DTD1: variants seen among roughly 807,000 people sequenced by gnomAD.
DTD1 encodes D-aminoacyl-tRNA deacylase 1, also known as D-tyrosyl-tRNA deacylase 1 homolog.
Under a neutral mutation model 25.6 loss-of-function variants are expected in DTD1, and 13 were observed. The ratio of observed to expected loss-of-function variants is 0.51; its 90% confidence interval spans 0.33 to 0.81. DTD1 has a LOEUF of 0.81. Among genes scored for constraint, DTD1 ranks in the 30% least tolerant of loss-of-function variants. The pLI, the probability that DTD1 is intolerant of heterozygous loss-of-function variation, is 0.02. For missense variants in DTD1, 193 were observed against 266.4 expected, an observed-to-expected ratio of 0.72 and a Z score of 1.92; for synonymous variants, 110 against 103.6, an observed-to-expected ratio of 1.06 and a Z score of -0.37.
chr20:18,651,300 T>G (rs1315503838), intron 4 of DTD1, among the ~76,000 whole-genome samples: 1 of 152,156 alleles, frequency 6.6e-6, no homozygotes, highest in African/African-American at 2.4e-5. Flanking sequence ...TATAGGCATA[T>G]GCCACCACAC....
At chr20:18,683,802 G>C (rs2061006366) in intron 4 of DTD1, among the ~76,000 whole-genome samples, 1 of 152,214 alleles carries the variant, frequency 6.6e-6, no homozygotes, top group African/African-American at 2.4e-5. Context: ...CGAGCAAGCT[G>C]ACTGGGCGCC....
intron 4 of DTD1, among the ~76,000 whole-genome samples, chr20:18,716,836 A>C (rs1352090869): frequency 2.6e-5 from 4 of 152,216 alleles, no homozygotes; most frequent in African/African-American, 9.6e-5. Context: ...TGTATTTTGC[A>C]AAAAGGGTAA....
intron 4 of DTD1, among the ~76,000 whole-genome samples, chr20:18,646,630 AG>A (rs2060851512): frequency 6.6e-6 from 1 of 152,072 alleles, no homozygotes; most frequent in Non-Finnish European, 1.5e-5. Context: ...GTCAGGTTAG[AG>A]GGTTGGGCCA....
chr20:18,600,100 T>A (rs1345650124), intron 3 of DTD1, among the ~76,000 whole-genome samples: 2 of 152,212 alleles, frequency 1.3e-5, no homozygotes, highest in Non-Finnish European at 2.9e-5. Flanking sequence ...AGAGGAAAAT[T>A]TTAATTTTAA....
intron 2 of DTD1, among the ~76,000 whole-genome samples, chr20:18,595,262 GTTCT>G (rs1440576069): frequency 2.0e-5 from 3 of 151,822 alleles, no homozygotes; most frequent in Non-Finnish European, 4.4e-5. Context: ...TTGCTGAATT[GTTCT>G]TTCTTTTTTT....
intron 4 of DTD1, among the ~76,000 whole-genome samples, chr20:18,692,187 A>G (rs930034286): frequency 1.3e-5 from 2 of 152,184 alleles, no homozygotes; most frequent in African/African-American, 4.8e-5. Context: ...CACACTGGCC[A>G]ATGCAAGGAC....
At chr20:18,631,591 G>A in intron 4 of DTD1, 1 of 985,372 alleles carries the variant, frequency 1.0e-6, no homozygotes. Context: ...CTCACCGAGG[G>A]CCCCAGTGAC....
intron 4 of DTD1, among the ~76,000 whole-genome samples, chr20:18,651,626 G>T (rs2060874363): frequency 6.6e-6 from 1 of 152,190 alleles, no homozygotes; most frequent in Non-Finnish European, 1.5e-5. Context: ...GAACTTTCAG[G>T]TCCCAGCATA....
At chr20:18,696,235 C>T (rs994956288) in intron 4 of DTD1, among the ~76,000 whole-genome samples, 4 of 152,060 alleles carry the variant, frequency 2.6e-5, no homozygotes, top group South Asian at 4.2e-4. Flanking sequence ...CCTGCCTGTG[C>T]GTATTCCCCC....
chr20:18,616,628 GAAAAGAAA>G (rs2060709930), intron 3 of DTD1, among the ~76,000 whole-genome samples: 1 of 150,240 alleles, frequency 6.7e-6, no homozygotes, highest in Middle Eastern at 3.4e-3. Context: ...TCTCTAAAAA[GAAAAGAAA>G]AAAAGAAAAA....
At chr20:18,761,296 A>T (rs1235740936) in intron 5 of DTD1, among the ~76,000 whole-genome samples, 1 of 152,086 alleles carries the variant, frequency 6.6e-6, no homozygotes, top group Non-Finnish European at 1.5e-5. Context: ...TGCAGAAATC[A>T]TTCGTCTTCT....
intron 5 of DTD1, among the ~76,000 whole-genome samples, chr20:18,754,925 A>G (rs550936151): frequency 6.6e-6 from 1 of 152,232 alleles, no homozygotes; most frequent in Non-Finnish European, 1.5e-5. Context: ...CATTGATCTT[A>G]TGATTAGGCC....
chr20:18,687,419 CT>C (rs2061021348), intron 4 of DTD1, among the ~76,000 whole-genome samples: 3 of 152,174 alleles, frequency 2.0e-5, no homozygotes, highest in Non-Finnish European at 2.9e-5. Flanking sequence ...GTGTAGTTTG[CT>C]GAAGTGCCTT....
At chr20:18,662,454 T>C (rs2060915005) in intron 4 of DTD1, among the ~76,000 whole-genome samples, 1 of 152,078 alleles carries the variant, frequency 6.6e-6, no homozygotes, top group South Asian at 2.1e-4. Context: ...TGGAAAGCAG[T>C]CAGCAAATGC....
intron 3 of DTD1, among the ~76,000 whole-genome samples, chr20:18,596,872 G>C (rs2060614133): frequency 6.6e-6 from 1 of 151,882 alleles, no homozygotes. Flanking sequence ...TCCACCACTA[G>C]AGTGGTGCAT....
intron 4 of DTD1, among the ~76,000 whole-genome samples, chr20:18,729,106 C>T (rs1017915791): frequency 1.3e-5 from 2 of 152,166 alleles, no homozygotes; most frequent in Admixed American, 1.3e-4. Flanking sequence ...TGGACTCAAA[C>T]CATCGTCCTG....
chr20:18,649,951 G>A (rs983459122), intron 4 of DTD1, among the ~76,000 whole-genome samples: 1 of 152,234 alleles, frequency 6.6e-6, no homozygotes, highest in African/African-American at 2.4e-5. Context: ...AGTGGCTCAC[G>A]CCTGTAATTC....
At chr20:18,614,171 C>T (rs77905226) in intron 3 of DTD1, among the ~76,000 whole-genome samples, 1,729 of 152,154 alleles carry the variant, frequency 0.011, 28 homozygotes, top group African/African-American at 0.038. Flanking sequence ...CTGGACAGAC[C>T]AGCCTCAGAG....
chr20:18,614,520 A>C (rs1340621769), intron 3 of DTD1, among the ~76,000 whole-genome samples: 1 of 152,190 alleles, frequency 6.6e-6, no homozygotes, highest in Non-Finnish European at 1.5e-5. Context: ...TGGCCTGAGC[A>C]GGTTCAAGAG....
Sources: gnomAD v4.1 joint callset for allele counts (sites outside exome capture counted in the v4.1 genomes callset) on GRCh38, gnomAD v4.1.1 for gene constraint, MANE v1.5 for transcripts, NCBI Gene and HGNC (gene_info 2026-07-23, HGNC 2026-07-21) for gene names.